Variants in HPSE2 observed in about 807,000 individuals in gnomAD.
The protein encoded by HPSE2 is inactive heparanase-2.
In HPSE2, 38 loss-of-function variants were observed where a neutral mutation model predicts 60.5. The observed-to-expected ratio is 0.63, with a 90% confidence interval of 0.48 to 0.82. The LOEUF (loss-of-function observed/expected upper bound fraction) is 0.82. HPSE2 is among the 40% of genes least tolerant of loss of function. The probability of loss-of-function intolerance (pLI) is 0.00; values close to 1 mark genes in which losing one functional copy is unlikely to be tolerated. For synonymous variants in HPSE2, 295 were observed against 293.2 expected (o/e 1.01, Z -0.06); for missense variants, 713 against 740.4 (o/e 0.96, Z 0.43).
intron 3 of HPSE2, among the ~76,000 whole-genome samples, chr10:98,812,057 T>A (rs1024434831): frequency 6.6e-6 from 1 of 152,188 alleles, no homozygotes; most frequent in Non-Finnish European, 1.5e-5. Flanking sequence ...GACATTTTTG[T>A]AGATTTTTTG....
chr10:98,482,512 T>G, intron 11 of HPSE2, 124 bp downstream of exon 11: 1 of 1,209,422 alleles, frequency 8.3e-7, no homozygotes, highest in Non-Finnish European at 1.2e-6. Context: ...CCCAGACCGC[T>G]CTTTGTCCTA....
intron 3 of HPSE2, among the ~76,000 whole-genome samples, chr10:99,120,253 A>T (rs569048573): frequency 1.3e-5 from 2 of 152,330 alleles, no homozygotes; most frequent in Admixed American, 6.5e-5. Context: ...TACGATTTAA[A>T]AAAACCATTA....
rs548268045 is a variant in HPSE2, at chr10:99,095,104, T to G, written c.610+49134A>C. ...GGGAGGCTGAGGCAGGAGTATCACC[T>G]GAGCCCAGGAGTTCAAGGCTGCAGT... On this transcript the variant is annotated intron_variant, in intron 3 of 11. Coordinates refer to ENST00000370552, the MANE Select transcript of HPSE2 (RefSeq NM_021828.5). Among the ~76,000 whole-genome samples, 6 of 152,114 alleles carry G rather than the reference T, an allele frequency of 3.9e-5. No homozygotes were observed. In the South Asian group the frequency reaches 1.2e-3, roughly 32 times the overall value.
the HPSE2 span, among the ~76,000 whole-genome samples, chr10:99,291,319 C>T: frequency 6.6e-6 from 1 of 152,190 alleles, no homozygotes; most frequent in African/African-American, 2.4e-5. Flanking sequence ...GATGCGGTGG[C>T]TCACGCCTGT....
At chr10:98,648,113 C>G (rs534629139) in intron 6 of HPSE2, among the ~76,000 whole-genome samples, 1 of 152,266 alleles carries the variant, frequency 6.6e-6, no homozygotes, top group Admixed American at 6.5e-5. Context: ...AGTGCCATGC[C>G]AAGGGCTCCA....
intron 3 of HPSE2, among the ~76,000 whole-genome samples, chr10:98,772,330 T>C (rs1003457250): frequency 2.6e-5 from 4 of 152,108 alleles, no homozygotes; most frequent in African/African-American, 9.7e-5. Flanking sequence ...AATGGATGAC[T>C]GGGAAACTGA....
intron 3 of HPSE2, among the ~76,000 whole-genome samples, chr10:98,931,065 T>C (rs1186453940): frequency 1.4e-5 from 2 of 144,164 alleles, no homozygotes; most frequent in Admixed American, 1.4e-4. Flanking sequence ...CTGAATGGTA[T>C]TGCCTAGATT....
At chr10:98,617,140 G>C (rs567249644) in intron 8 of HPSE2, among the ~76,000 whole-genome samples, 1 of 152,312 alleles carries the variant, frequency 6.6e-6, no homozygotes, top group African/African-American at 2.4e-5. Flanking sequence ...ACATATGTGA[G>C]TCCCTCCATC....
At chr10:98,490,871 A>G (rs528701899) in intron 9 of HPSE2, among the ~76,000 whole-genome samples, 1 of 152,226 alleles carries the variant, frequency 6.6e-6, no homozygotes, top group African/African-American at 2.4e-5. Flanking sequence ...TTGATTTAAA[A>G]ATTTTCAATC....
intron 9 of HPSE2, among the ~76,000 whole-genome samples, chr10:98,581,221 C>T (rs1014102006): frequency 6.6e-6 from 1 of 151,974 alleles, no homozygotes; most frequent in Non-Finnish European, 1.5e-5. Context: ...TTTTTATGTG[C>T]TATTTTTTAT....
At chr10:98,655,408 T>G (rs577816777) in intron 6 of HPSE2, among the ~76,000 whole-genome samples, 14 of 152,320 alleles carry the variant, frequency 9.2e-5, no homozygotes, top group African/African-American at 3.4e-4. Flanking sequence ...TCATGGGAAT[T>G]ACCACTTAAG....
At chr10:99,094,967 C>T (rs991168999) in intron 3 of HPSE2, among the ~76,000 whole-genome samples, 9 of 152,108 alleles carry the variant, frequency 5.9e-5, no homozygotes, top group African/African-American at 1.7e-4. Context: ...GTGGGAGGAT[C>T]GCTTGAGGTC....
At chr10:98,807,850 C>T (rs1236346816) in intron 3 of HPSE2, among the ~76,000 whole-genome samples, 1 of 152,094 alleles carries the variant, frequency 6.6e-6, no homozygotes, top group African/African-American at 2.4e-5. Context: ...TTCCTGAAGT[C>T]ACTGCAGCCA....
At chr10:98,993,346 C>T (rs1037544781) in intron 3 of HPSE2, among the ~76,000 whole-genome samples, 7 of 152,134 alleles carry the variant, frequency 4.6e-5, no homozygotes, top group East Asian at 1.9e-4. Flanking sequence ...ACATATACAA[C>T]GTTCTAAAGT....
chr10:98,491,492 C>T (rs1941643311), intron 9 of HPSE2, among the ~76,000 whole-genome samples: 1 of 152,090 alleles, frequency 6.6e-6, no homozygotes, highest in South Asian at 2.1e-4. Context: ...AATTTGATTA[C>T]AATTTCTGTG....
intron 9 of HPSE2, among the ~76,000 whole-genome samples, chr10:98,612,999 A>C (rs1252111679): frequency 6.6e-6 from 1 of 151,666 alleles, no homozygotes; most frequent in African/African-American, 2.4e-5. Context: ...CCTGCCTCGG[A>C]GCTTTTGTGT....
intron 7 of HPSE2, among the ~76,000 whole-genome samples, chr10:98,636,425 A>G (rs920412051): frequency 1.3e-5 from 2 of 151,978 alleles, no homozygotes; most frequent in South Asian, 2.1e-4. Context: ...TTTTTAGTAG[A>G]GACGGGGTTT....
At chr10:99,097,223 G>C (rs563989139) in intron 3 of HPSE2, among the ~76,000 whole-genome samples, 2 of 152,190 alleles carry the variant, frequency 1.3e-5, no homozygotes, top group South Asian at 4.1e-4. Context: ...ATAGGGGACA[G>C]AGACAGTTCA....
At chr10:98,701,495 TG>T (rs1338511077) in intron 5 of HPSE2, among the ~76,000 whole-genome samples, 20 of 68,770 alleles carry the variant, frequency 2.9e-4, no homozygotes, top group African/African-American at 1.2e-3. Flanking sequence ...TGTTGTGGGG[TG>T]GGGGGAGGGG....
Sources: gnomAD v4.1 joint callset for allele counts (sites outside exome capture counted in the v4.1 genomes callset) on GRCh38, gnomAD v4.1.1 for gene constraint, MANE v1.5 for transcripts, NCBI Gene and HGNC (gene_info 2026-07-23, HGNC 2026-07-21) for gene names.